The following SPATA13 variants were observed in gnomAD, a reference collection of about 807,000 sequenced individuals.
SPATA13 encodes spermatogenesis-associated protein 13.
SPATA13 carries 50 observed loss-of-function variants against 104.0 expected under a neutral mutation model. The ratio of observed to expected loss-of-function variants is 0.48; its 90% CI spans 0.38 to 0.61. SPATA13 has a LOEUF of 0.61. Among genes scored for constraint, SPATA13 ranks in the 20% least tolerant of loss-of-function variants. SPATA13 has a pLI of 0.00. For missense variants in SPATA13, 1,524 were observed against 1,690.6 expected (o/e 0.90, Z 1.73); for synonymous variants, 606 against 667.5 (o/e 0.91, Z 1.42).
At chr13:24,082,500 T>G (rs561572878) in intron 3 of SPATA13, among the ~76,000 whole-genome samples, 1 of 152,304 alleles carries the variant, frequency 6.6e-6, no homozygotes, top group East Asian at 1.9e-4. Context: ...TGTGGCCTTT[T>G]CTATACTCAA....
rs559650290 is a variant in SPATA13, at chr13:24,291,730, C to T, written c.3080+846C>T. ...CAACAAGCAACAAAATACACTCTCT[C>T]TCTGTCTTTATTTTTTTATTTTTTT... On this transcript the variant is annotated intron_variant, in intron 9 of 12. Transcript: ENST00000382108. 5.4e-5 allele frequency among the ~76,000 whole-genome samples: 8 copies of T among 147,702 alleles called. No individual in the cohort carries two copies. In the East Asian group the frequency reaches 1.2e-3, roughly 22 times the overall value.
At chr13:24,257,808 C>T (rs1873864160) in intron 4 of SPATA13, among the ~76,000 whole-genome samples, 1 of 151,978 alleles carries the variant, frequency 6.6e-6, no homozygotes, top group Non-Finnish European at 1.5e-5. Context: ...AGGAAACAAC[C>T]AAAAATTGAG....
chr13:24,175,616 A>G (rs1868393761), intron 1 of SPATA13, among the ~76,000 whole-genome samples: 2 of 152,200 alleles, frequency 1.3e-5, no homozygotes, highest in South Asian at 2.1e-4. Flanking sequence ...TAACTACCTT[A>G]ATGTTTACCA....
intron 1 of SPATA13, among the ~76,000 whole-genome samples, chr13:24,210,723 T>G (rs912281859): frequency 5.9e-5 from 9 of 151,876 alleles, no homozygotes; most frequent in African/African-American, 1.9e-4. Flanking sequence ...TCAAGATTGC[T>G]TTGTCCGTCT....
At position 24,302,641 on chromosome 13, in the gene SPATA13, C is replaced by T. The variant is rs778511677; in HGVS notation, c.3702C>T (p.His1234=). 7.1e-5 allele frequency: 115 copies of T among 1,613,616 alleles called. No individual in the cohort carries two copies. The highest frequency in any genetic ancestry group is 9.2e-5 in the Non-Finnish European group (108 of 1,179,788). The change falls in exon 13 of 13, where the codon CAC becomes CAT. Residue 1234 remains histidine (H), a synonymous_variant. Coordinates refer to ENST00000382108, the MANE Select transcript of SPATA13 (RefSeq NM_001166271.3). ...TGGCCCCACCGCACCAGGGCCTGCACCCCATCCACCAGCGCCACATCACTA... is the reference window on the plus strand; with the variant it reads ...TGGCCCCACCGCACCAGGGCCTGCATCCCATCCACCAGCGCCACATCACTA... ...CPVAPPHQGL[H]PIHQRHITMP...
chr13:24,191,757 G>T (rs533078223), intron 1 of SPATA13, among the ~76,000 whole-genome samples: 1 of 151,894 alleles, frequency 6.6e-6, no homozygotes, highest in African/African-American at 2.4e-5. Context: ...TGATCCGCCC[G>T]CCTCAGTCTC....
intron 3 of SPATA13, among the ~76,000 whole-genome samples, chr13:24,113,868 C>CAAAAAAAAAAAAAAAAAA (rs958434459): frequency 1.4e-4 from 8 of 56,174 alleles, no homozygotes; most frequent in East Asian, 6.1e-4. Flanking sequence ...GACTCGATCT[C>CAAAAAAAAAAAAAAAAAA]AAAAAAAAAA....
At position 24,098,776 on chromosome 13, in the gene SPATA13, A is replaced by G. The variant is rs567586930; in HGVS notation, c.-112+81075A>G. 2.6e-5 allele frequency among the ~76,000 whole-genome samples: 4 copies of G among 151,822 alleles called. No individual in the cohort carries two copies. In the South Asian group the frequency reaches 8.4e-4, roughly 32 times the overall value. On this transcript the variant is annotated intron_variant, in intron 3 of 14. Coordinates refer to the SPATA13 transcript ENST00000424834. ...ACCCCGTCTTTACTAAAAACACAAA[A>G]ATTAGCTGGGCATTTTGGTGCGTGC...
chr13:23,982,217 C>T (rs1874935175), intron 1 of SPATA13, among the ~76,000 whole-genome samples: 1 of 152,186 alleles, frequency 6.6e-6, no homozygotes, highest in South Asian at 2.1e-4. Context: ...TTAGAGAGGT[C>T]ATAGGAAAAA....
chr13:24,204,633 C>G (rs1870602008), intron 1 of SPATA13, among the ~76,000 whole-genome samples: 1 of 152,176 alleles, frequency 6.6e-6, no homozygotes, highest in Non-Finnish European at 1.5e-5. Context: ...CCAGAAATTA[C>G]TGTTCTACTT....
intron 3 of SPATA13, among the ~76,000 whole-genome samples, chr13:24,046,556 T>TTTTTTTTTTTTTTTTTTTTTTGA (rs1312966281): frequency 6.6e-6 from 1 of 150,524 alleles, no homozygotes; most frequent in African/African-American, 2.5e-5. Flanking sequence ...TGTACTCTTT[T>TTTTTTTTTTTTTTTTTTTTTTGA]GTGTCTGGCC....
chr13:24,271,724 G>GT (rs925156927), intron 4 of SPATA13, among the ~76,000 whole-genome samples: 4 of 152,198 alleles, frequency 2.6e-5, no homozygotes, highest in African/African-American at 9.7e-5. Flanking sequence ...TCTTGTCTCT[G>GT]TTTTTGCCCT....
chr13:24,208,195 A>C (rs571924437), intron 1 of SPATA13, among the ~76,000 whole-genome samples: 14 of 152,312 alleles, frequency 9.2e-5, no homozygotes, highest in Admixed American at 3.9e-4. Flanking sequence ...ATGTGTTCAG[A>C]ATCAAGGACC....
At chr13:24,010,650 TCTC>T (rs1318447464) in intron 2 of SPATA13, among the ~76,000 whole-genome samples, 1 of 151,944 alleles carries the variant, frequency 6.6e-6, no homozygotes, top group South Asian at 2.1e-4. Flanking sequence ...TGGATCTGCT[TCTC>T]CTCCCAGCAG....
intron 3 of SPATA13, among the ~76,000 whole-genome samples, chr13:24,087,542 T>C (rs369779751): frequency 3.9e-5 from 6 of 152,302 alleles, no homozygotes; most frequent in Admixed American, 3.3e-4. Flanking sequence ...CCTATGCAGG[T>C]GAAAATCTTT....
At position 24,251,735 on chromosome 13, in the gene SPATA13, C is replaced by T. The variant is rs756726902; in HGVS notation, c.2037C>T (p.Pro679=). Residue 679 remains proline, a synonymous_variant, in exon 4 of 13, where the codon CCC becomes CCT. Transcript: ENST00000382108. ...TTTTGCAGCCGGCTTCCAGGCCGCC[C>T]ATGCCTGCTCACCAGGTGCCACCCT... ...NLLTQPASRP[P]MPAHQVPPYK... 33 of 1,613,962 alleles carry T rather than the reference C, an allele frequency of 2.0e-5. No individual in the cohort carries two copies. The highest frequency in any genetic ancestry group is 2.8e-5 in the Non-Finnish European group (33 of 1,179,982).
rs1445832531 is a variant in SPATA13 at position 24,161,223 on chromosome 13, G to C, written c.-112+291G>C. Among the ~76,000 whole-genome samples the C allele has an allele frequency of 1.3e-5, 2 of 152,102 alleles. No homozygotes were observed. Among genetic ancestry groups the C allele is most frequent in the Non-Finnish European group, 2.9e-5 (2 of 68,014 alleles). Reference sequence around the variant, plus strand: ...TTCTCGCAAAAGGCCGTTTCCAGCCGGAAGCCTGCAGGGAGGTCGCCTTGT... The same window carrying C: ...TTCTCGCAAAAGGCCGTTTCCAGCCCGAAGCCTGCAGGGAGGTCGCCTTGT... On this transcript the variant is annotated intron_variant, in intron 1 of 12. Transcript: ENST00000382108. This position sits in a 1 kb window ranked among gnomAD's most constrained non-coding sequence, Gnocchi z 4.5.
intron 3 of SPATA13, among the ~76,000 whole-genome samples, chr13:24,148,247 A>G (rs969484451): frequency 6.6e-6 from 1 of 152,122 alleles, no homozygotes. Flanking sequence ...TACGATCGTT[A>G]CTATTGTTAG....
At chr13:24,215,244 A>C (rs775526685) in intron 1 of SPATA13, among the ~76,000 whole-genome samples, 4 of 152,262 alleles carry the variant, frequency 2.6e-5, no homozygotes, top group Non-Finnish European at 5.9e-5. Flanking sequence ...GATGTGTGCC[A>C]AGAGGCAGGG....
Sources: gnomAD v4.1 joint callset for allele counts (sites outside exome capture counted in the v4.1 genomes callset) on GRCh38, gnomAD v4.1.1 for gene constraint, Gnocchi (gnomAD v3.1) non-coding constraint, MANE v1.5 for transcripts, NCBI Gene and HGNC (gene_info 2026-07-23, HGNC 2026-07-21) for gene names.